The following FAM186A variants were observed in gnomAD, a reference collection of about 807,000 sequenced individuals.
The protein encoded by FAM186A is protein FAM186A.
FAM186A carries 163 observed loss-of-function variants against 216.8 expected under a neutral mutation model. The ratio of observed to expected loss-of-function variants is 0.75; its 90% confidence interval spans 0.66 to 0.86. The LOEUF (loss-of-function observed/expected upper bound fraction) is 0.86, where lower values mean the gene tolerates loss of function less well. Among genes scored for constraint, FAM186A ranks in the 40% least tolerant of loss-of-function variants. The probability of loss-of-function intolerance (pLI) is 0.00; values close to 1 mark genes in which losing one functional copy is unlikely to be tolerated. For synonymous variants in FAM186A, 805 were observed against 1,025.3 expected (o/e 0.79, Z 4.10); for missense variants, 2,184 against 2,746.2 (o/e 0.80, Z 4.58).
Position 50,351,708 on chromosome 12 carries a change from G to T in FAM186A, c.5124C>A (p.Val1708=), listed in dbSNP as rs1259331709. The T allele has an allele frequency of 2.6e-6, 4 of 1,551,570 alleles. No homozygotes were observed. Among genetic ancestry groups the T allele is most frequent in the Non-Finnish European group, 3.5e-6 (4 of 1,146,904 alleles). Residue 1708 remains valine, a synonymous_variant, in exon 4 of 8, where the codon GTC becomes GTA. Coordinates refer to ENST00000327337, the MANE Select transcript of FAM186A (RefSeq NM_001145475.3). ...TLGSPLTLKQ[V]QWSHRPFQKS... ...TCTGAAATGGTCTATGGGACCACTGGACTTGCTTAAGGGTGAGGGGCGATC... is the reference window on the plus strand; with the variant it reads ...TCTGAAATGGTCTATGGGACCACTGTACTTGCTTAAGGGTGAGGGGCGATC...
rs1246793975 is a variant in FAM186A, at chr12:50,379,480, A to C, written c.193-16116T>G. Reference sequence around the variant, plus strand: ...GAAAAAAAGAGGGAAAAACAAAAACAAAAACAAAAAAAAACTAAAGCACAG... The same window carrying C: ...GAAAAAAAGAGGGAAAAACAAAAACCAAAACAAAAAAAAACTAAAGCACAG... On this transcript the variant is annotated intron_variant, in intron 1 of 7. Coordinates refer to ENST00000327337, the MANE Select transcript of FAM186A (RefSeq NM_001145475.3). Among the ~76,000 whole-genome samples the C allele has an allele frequency of 6.2e-4, 6 of 9,720 alleles. No homozygotes were observed. In the East Asian group the frequency reaches 0.039, roughly 64 times the overall value. 6.4% of individuals were successfully genotyped at this position (9,720 alleles called of 152,430 possible).
At position 50,342,709 on chromosome 12, in the gene FAM186A, G is replaced by A. The variant is rs1054263392; in HGVS notation, c.6503+7620C>T. ...GCCAGGATGGTCTCGATCTGATCTCGTGATCCACCCGCCTCAGCCTCCCAA... is the reference window on the plus strand; with the variant it reads ...GCCAGGATGGTCTCGATCTGATCTCATGATCCACCCGCCTCAGCCTCCCAA... On this transcript the variant is annotated intron_variant, in intron 4 of 7. Coordinates refer to ENST00000327337, the MANE Select transcript of FAM186A (RefSeq NM_001145475.3). 1.6e-4 allele frequency among the ~76,000 whole-genome samples: 24 copies of A among 150,700 alleles called. No individual in the cohort carries two copies. In the East Asian group the frequency reaches 2.2e-3, roughly 14 times the overall value.
rs569974997 is a variant in FAM186A at position 50,390,170 on chromosome 12, A to G, written c.192+6123T>C. ...TTTTTTGATTAATGGGTAGACCACAATAACATTTTGGATCTCCTGGGATTA... is the reference window on the plus strand; with the variant it reads ...TTTTTTGATTAATGGGTAGACCACAGTAACATTTTGGATCTCCTGGGATTA... On this transcript the variant is annotated intron_variant, in intron 1 of 7. Coordinates refer to ENST00000327337, the MANE Select transcript of FAM186A (RefSeq NM_001145475.3). Among the ~76,000 whole-genome samples, 27 of 152,326 alleles carry G rather than the reference A, an allele frequency of 1.8e-4. No individual in the cohort carries two copies. The South Asian group carries it at 5.0e-3, about 28-fold the overall frequency.
At chr12:50,339,800 T>G (rs1942745169) in intron 4 of FAM186A, among the ~76,000 whole-genome samples, 1 of 150,708 alleles carries the variant, frequency 6.6e-6, no homozygotes, top group Non-Finnish European at 1.5e-5. Context: ...CCTGCTGCCT[T>G]TCTTTACTCT....
intron 1 of FAM186A, among the ~76,000 whole-genome samples, chr12:50,375,526 G>T (rs541616072): frequency 2.0e-5 from 3 of 150,102 alleles, no homozygotes; most frequent in African/African-American, 7.3e-5. Flanking sequence ...TCCAACCTGG[G>T]CAACAAGAGC....
At chr12:50,367,284 C>G (rs7302363) in intron 1 of FAM186A, among the ~76,000 whole-genome samples, 2 of 151,514 alleles carry the variant, frequency 1.3e-5, no homozygotes, top group Non-Finnish European at 2.9e-5. Flanking sequence ...TTTGGGAGGC[C>G]GAGGCAGGCG....
Position 50,350,712 on chromosome 12 carries a change from G to C in FAM186A, c.6120C>G (p.Leu2040=). 1 of 1,551,680 alleles carries C rather than the reference G, an allele frequency of 6.4e-7. No individual in the cohort carries two copies. Among genetic ancestry groups the C allele is most frequent in the Non-Finnish European group, 8.7e-7 (1 of 1,146,980 alleles). ...AAGATGGTGATGTTGTTGGCTTCAT[G>C]AGAGTGAGAAGGGCCCTTTCATCAG... ...PYTDERALLT[L]MKPTTSPSSL... Residue 2040 remains leucine, a synonymous_variant, in exon 4 of 8, where the codon CTC becomes CTG. Transcript: ENST00000327337.
chr12:50,382,304 G>A (rs1178139263), intron 1 of FAM186A, among the ~76,000 whole-genome samples: 1 of 151,380 alleles, frequency 6.6e-6, no homozygotes, highest in Admixed American at 6.6e-5. Context: ...ATACGAGTAG[G>A]CTGGTCAACT....
At chr12:50,375,133 G>A (rs1045689727) in intron 1 of FAM186A, among the ~76,000 whole-genome samples, 3 of 152,094 alleles carry the variant, frequency 2.0e-5, no homozygotes, top group African/African-American at 7.2e-5. Context: ...AGCCAAGATC[G>A]CTTCTCTGCA....
In FAM186A at chr12:50,360,834, T is replaced by C. The variant is rs576828008; in HGVS notation, c.505A>G (p.Ile169Val). The change falls in exon 3 of 8, where the codon ATT becomes GTT. Residue 169 changes from isoleucine to valine, a missense_variant. By Grantham distance (29) the Ile-to-Val change is conservative (BLOSUM62 3). This residue lies in a region of FAM186A where 1,132 missense variants were observed against 1,263.4 expected (regional missense o/e 0.90). Coordinates refer to ENST00000327337, the MANE Select transcript of FAM186A (RefSeq NM_001145475.3). ...CTTAGTATCTTGACATTGTTCTCAA[T>C]AGCTTTTAACGTGTCCGGTAACAAC... ...MELLPDTLKA[I>V]ENNVKILSRF... is the part of the protein sequence containing the mutation. The C allele has an allele frequency of 1.3e-6, 2 of 1,551,194 alleles. No homozygotes were observed. Among genetic ancestry groups the C allele is most frequent in the East Asian group, 2.4e-5 (1 of 40,884 alleles).
chr12:50,368,761 T>A (rs1252479389), intron 1 of FAM186A, among the ~76,000 whole-genome samples: 1 of 152,054 alleles, frequency 6.6e-6, no homozygotes, highest in African/African-American at 2.4e-5. Flanking sequence ...ATTTTCTGAT[T>A]TCAAACTTAT....
At chr12:50,369,200 A>C (rs1943118155) in intron 1 of FAM186A, among the ~76,000 whole-genome samples, 2 of 152,146 alleles carry the variant, frequency 1.3e-5, no homozygotes, top group Admixed American at 6.6e-5. Flanking sequence ...AAGTAAAAAT[A>C]GATAAATGGG....
At chr12:50,382,429 A>T (rs1431959524) in intron 1 of FAM186A, among the ~76,000 whole-genome samples, 1 of 151,998 alleles carries the variant, frequency 6.6e-6, no homozygotes, top group African/African-American at 2.4e-5. Context: ...ACCAGGCACA[A>T]TGGCTCACGC....
intron 4 of FAM186A, among the ~76,000 whole-genome samples, chr12:50,337,543 C>T (rs1428381868): frequency 1.3e-5 from 2 of 150,868 alleles, no homozygotes; most frequent in East Asian, 4.0e-4. Flanking sequence ...AAGTGATCCG[C>T]CCACCTCGGT....
chr12:50,367,696 C>T (rs4768856), intron 1 of FAM186A, among the ~76,000 whole-genome samples: 10 of 21,128 alleles, frequency 4.7e-4, no homozygotes, highest in Non-Finnish European at 8.6e-4. Context: ...CGTGCACACA[C>T]ACACACACAC....
intron 4 of FAM186A, among the ~76,000 whole-genome samples, chr12:50,345,422 CA>C (rs949363166): frequency 2.0e-5 from 3 of 151,864 alleles, no homozygotes; most frequent in African/African-American, 7.3e-5. Flanking sequence ...TAAATAAAAA[CA>C]AAAAAAGAAA....
chr12:50,340,118 G>T (rs914883409), intron 4 of FAM186A, among the ~76,000 whole-genome samples: 1 of 152,064 alleles, frequency 6.6e-6, no homozygotes, highest in Non-Finnish European at 1.5e-5. Context: ...GATTACAGGC[G>T]TGAGCCACAG....
At position 50,351,445 on chromosome 12, in the gene FAM186A, C is replaced by T; in HGVS notation, c.5387G>A (p.Arg1796His). ...GTATACCAGGGTCTGTCCAGAGGAACGAAGAGTCTGTGGTGCCCCAAGCTT... is the reference window on the plus strand; with the variant it reads ...GTATACCAGGGTCTGTCCAGAGGAATGAAGAGTCTGTGGTGCCCCAAGCTT... ...PGKLGAPQTLRSSGQTLVYGG... is the reference protein window; with the variant it reads ...PGKLGAPQTLHSSGQTLVYGG... Residue 1796 changes from arginine to histidine, a missense_variant, in exon 4 of 8, where the codon CGT becomes CAT. Around this residue, in one of 7 missense-constraint regions of FAM186A, gnomAD observed 721 missense variants for 816.4 expected, o/e 0.88. Transcript: ENST00000327337. 2.0e-6 allele frequency: 3 copies of T among 1,470,580 alleles called. No individual in the cohort carries two copies. Among genetic ancestry groups the T allele is most frequent in the South Asian group, 1.5e-5 (1 of 68,706 alleles). 91.1% of individuals were successfully genotyped at this position (1,470,580 alleles called of 1,614,324 possible).
At chr12:50,385,417 C>CA (rs1281395536) in intron 1 of FAM186A, among the ~76,000 whole-genome samples, 2,232 of 51,456 alleles carry the variant, frequency 0.043, 78 homozygotes, top group African/African-American at 0.12. Flanking sequence ...GACTCTGTCT[C>CA]AAAAAAAAAA....
Sources: allele counts gnomAD v4.1 joint callset (sites outside exome capture counted in the v4.1 genomes callset), GRCh38; gene constraint gnomAD v4.1.1; regional missense constraint gnomAD v4.1.1; transcripts MANE v1.5; gene names NCBI Gene and HGNC (gene_info 2026-07-23, HGNC 2026-07-21).